Variants in EXPH5 observed in about 807,000 individuals in gnomAD.
EXPH5 encodes exophilin-5.
Under a neutral mutation model 41.1 loss-of-function variants are expected in EXPH5, and 42 were observed. The observed-to-expected ratio is 1.02, with a 90% CI of 0.80 to 1.32. EXPH5 has a LOEUF of 1.32. EXPH5 is among the 40% of genes most tolerant of loss of function. The pLI, the probability that EXPH5 is intolerant of heterozygous loss-of-function variation, is 0.00. For synonymous variants in EXPH5, 798 were observed against 833.5 expected, an observed-to-expected ratio of 0.96 and a Z score of 0.73; for missense variants, 2,298 against 2,314.5, an observed-to-expected ratio of 0.99 and a Z score of 0.15.
chr11:108,516,309 C>T (rs1004417572), intron 5 of EXPH5, among the ~76,000 whole-genome samples: 3 of 152,136 alleles, frequency 2.0e-5, no homozygotes, highest in Non-Finnish European at 4.4e-5. Flanking sequence ...ACCCAGGGCT[C>T]ATGCTCTCTA....
At chr11:108,560,187 G>C (rs763524513) in intron 1 of EXPH5, among the ~76,000 whole-genome samples, 24 of 152,196 alleles carry the variant, frequency 1.6e-4, no homozygotes, top group Non-Finnish European at 3.2e-4. Flanking sequence ...TCCCATCAGG[G>C]ATAGTGGAGG....
chr11:108,542,811 C>T (rs1170042193), intron 1 of EXPH5, among the ~76,000 whole-genome samples: 4 of 152,104 alleles, frequency 2.6e-5, no homozygotes, highest in African/African-American at 7.2e-5. Flanking sequence ...CTCCGCCTCC[C>T]GAGTTCAAGT....
At chr11:108,565,640 G>A (rs2094031325) in intron 1 of EXPH5, among the ~76,000 whole-genome samples, 2 of 152,198 alleles carry the variant, frequency 1.3e-5, no homozygotes, top group South Asian at 2.1e-4. Context: ...CCGAGCTTAC[G>A]TGAGGGTGCT....
At chr11:108,597,713 G>A (rs1298895547), upstream of EXPH5, among the ~76,000 whole-genome samples, 1 of 152,030 alleles carries the variant, frequency 6.6e-6, no homozygotes. Context: ...ACATTGTTCT[G>A]GTAGTTCTAG....
chr11:108,537,171 T>C (rs1391481165), intron 3 of EXPH5, among the ~76,000 whole-genome samples: 3 of 152,132 alleles, frequency 2.0e-5, no homozygotes, highest in African/African-American at 7.2e-5. Flanking sequence ...CGTAATACAA[T>C]GCCCCCTTTA....
rs35276439 is a variant in EXPH5, at chr11:108,510,523, T to C, written c.4984A>G (p.Asn1662Asp). 1.3e-3 allele frequency: 2,020 copies of C among 1,614,152 alleles called. 22 individuals carry two copies. The African/African-American group carries it at 0.023, about 18-fold the overall frequency. The change falls in exon 6 of 6, where the codon AAC becomes GAC. Residue 1662 changes from asparagine (N) to aspartate (D), a missense_variant. Asn to Asp is a conservative substitution (Grantham distance 23). Coordinates refer to ENST00000265843, the MANE Select transcript of EXPH5 (RefSeq NM_015065.3). ...ESIGESRLSE[N>D]GKHVKKSENL... The stretch of plus-strand genomic sequence containing the variant: ...TCGGATTTCTTCACATGCTTTCCGT[T>C]CTCACTCAACCTGCTTTCGCCAATG...
chr11:108,593,159 A>AC (rs556119003), intron 1 of EXPH5, among the ~76,000 whole-genome samples: 310 of 151,654 alleles, frequency 2.0e-3, no homozygotes, highest in Non-Finnish European at 3.6e-3. Context: ...CAGCGCACGG[A>AC]CCCCCCCACC....
At chr11:108,575,882 G>A (rs542515948) in intron 1 of EXPH5, among the ~76,000 whole-genome samples, 1 of 152,222 alleles carries the variant, frequency 6.6e-6, no homozygotes, top group East Asian at 1.9e-4. Flanking sequence ...GTTGAGACAG[G>A]AATATCCAGG....
intron 1 of EXPH5, among the ~76,000 whole-genome samples, chr11:108,591,634 G>A (rs1396899426): frequency 1.3e-5 from 2 of 152,178 alleles, no homozygotes; most frequent in African/African-American, 4.8e-5. Context: ...TTCTGTTGAT[G>A]CTTCCATTAG....
chr11:108,569,174 C>T (rs1264222841), intron 1 of EXPH5, among the ~76,000 whole-genome samples: 1 of 152,142 alleles, frequency 6.6e-6, no homozygotes, highest in Non-Finnish European at 1.5e-5. Context: ...GTTCACTTCA[C>T]CTTTATTCAC....
At position 108,511,591 on chromosome 11, in the gene EXPH5, A is replaced by G. The variant is rs1429613135; in HGVS notation, c.3916T>C (p.Ser1306Pro). Residue 1306 changes from serine to proline, a missense_variant, in exon 6 of 6, where the codon TCA becomes CCA. Physicochemically the swap from Ser to Pro is moderately conservative, Grantham distance 74. Coordinates refer to ENST00000265843, the MANE Select transcript of EXPH5 (RefSeq NM_015065.3). Reference protein sequence around the residue: ...DKQNYSTREQSGTPSCENLKM... With the variant: ...DKQNYSTREQPGTPSCENLKM... ...AGATTTTCACATGAAGGTGTTCCTG[A>G]CTGCTCTCGTGTAGAATAATTCTGT... 2 of 1,613,704 alleles carry G rather than the reference A, an allele frequency of 1.2e-6. No individual in the cohort carries two copies. Among genetic ancestry groups the G allele is most frequent in the Admixed American group, 1.7e-5 (1 of 59,920 alleles).
chr11:108,539,686 A>G (rs1273666093), intron 2 of EXPH5, among the ~76,000 whole-genome samples: 1 of 152,206 alleles, frequency 6.6e-6, no homozygotes, highest in Non-Finnish European at 1.5e-5. Flanking sequence ...CATGGTTTAC[A>G]TATGTGTTTG....
In EXPH5 at chr11:108,552,739, C is replaced by T. The variant is rs183117276; in HGVS notation, c.120-10927G>A. On this transcript the variant is annotated intron_variant, in intron 1 of 5. Transcript: ENST00000265843. ...TGAGACCAGCAACGTACTGAGACTC[C>T]GTCTCTACAAAAAACCCCAAACAAA... 3.1e-3 allele frequency among the ~76,000 whole-genome samples: 471 copies of T among 152,162 alleles called. 11 individuals are homozygous for T. The highest frequency in any genetic ancestry group is 0.029 in the Admixed American group (436 of 15,278).
chr11:108,537,473 ATTTAT>A, intron 3 of EXPH5, among the ~76,000 whole-genome samples: 1 of 152,316 alleles, frequency 6.6e-6, no homozygotes, highest in South Asian at 2.1e-4. Flanking sequence ...AAATGATGAA[ATTTAT>A]TTTATTTCTG....
In EXPH5 at chr11:108,509,854, C is replaced by T. The variant is rs1205042314; in HGVS notation, c.5653G>A (p.Asp1885Asn). Residue 1885 changes from aspartate to asparagine, a missense_variant, in exon 6 of 6, where the codon GAC (aspartate) becomes AAC (asparagine). Coordinates refer to ENST00000265843, the MANE Select transcript of EXPH5 (RefSeq NM_015065.3). ...TGTTCTTTCCCAAAGATCCCATAGTCGATAGGTCTGTATATAGATATTGCA... is the reference window on the plus strand; with the variant it reads ...TGTTCTTTCCCAAAGATCCCATAGTTGATAGGTCTGTATATAGATATTGCA... The part of the protein sequence containing the change: ...RSAISIYRPI[D>N]YGIFGKEQQL... 11 of 1,613,220 alleles carry T rather than the reference C, an allele frequency of 6.8e-6. No homozygotes were observed. The highest frequency in any genetic ancestry group is 5.0e-5 in the Admixed American group (3 of 59,854).
At chr11:108,545,387 A>G (rs983230713) in intron 1 of EXPH5, among the ~76,000 whole-genome samples, 1 of 152,218 alleles carries the variant, frequency 6.6e-6, no homozygotes, top group African/African-American at 2.4e-5. Context: ...ATACAATGGT[A>G]AGCAAAGCAG....
At position 108,537,426 on chromosome 11, in the gene EXPH5, A is replaced by G. The variant is rs376510958; in HGVS notation, c.443+1598T>C. Among the ~76,000 whole-genome samples the G allele has an allele frequency of 1.3e-4, 20 of 152,344 alleles. 1 individual carries two copies. The East Asian group carries it at 3.9e-3, about 29-fold the overall frequency. ...AAAGTAAAACGTATTTGAAGATGAC[A>G]AGTTCTGAAAACTGCTAAACACACA... On this transcript the variant is annotated intron_variant, in intron 3 of 5. Coordinates refer to ENST00000265843, the MANE Select transcript of EXPH5 (RefSeq NM_015065.3).
intron 4 of EXPH5, among the ~76,000 whole-genome samples, chr11:108,525,467 A>G (rs979848605): frequency 6.6e-6 from 1 of 152,232 alleles, no homozygotes; most frequent in Non-Finnish European, 1.5e-5. Flanking sequence ...TGGTGCTGAG[A>G]TTGAGAGAAA....
intron 1 of EXPH5, among the ~76,000 whole-genome samples, chr11:108,545,159 A>T (rs950915402): frequency 6.6e-6 from 1 of 152,200 alleles, no homozygotes; most frequent in African/African-American, 2.4e-5. Context: ...CACACCAGTA[A>T]TCCCAGCACT....
Sources: gnomAD v4.1 joint callset for allele counts (sites outside exome capture counted in the v4.1 genomes callset) on GRCh38, gnomAD v4.1.1 for gene constraint, MANE v1.5 for transcripts, NCBI Gene and HGNC (gene_info 2026-07-23, HGNC 2026-07-21) for gene names.